RBFOX1: variants seen among roughly 807,000 people sequenced by gnomAD.
RBFOX1 encodes RNA binding fox-1 homolog 1.
RBFOX1 carries 8 observed loss-of-function variants against 57.7 expected under a neutral mutation model. The observed-to-expected ratio is 0.14, with a 90% CI of 0.08 to 0.25. RBFOX1 has a LOEUF of 0.25. Among genes scored for constraint, RBFOX1 ranks in the 10% least tolerant of loss-of-function variants. The pLI, the probability that RBFOX1 is intolerant of heterozygous loss-of-function variation, is 1.00. For synonymous variants in RBFOX1, 326 were observed against 222.4 expected, an observed-to-expected ratio of 1.47 and a Z score of -4.15; for missense variants, 611 against 548.5, an observed-to-expected ratio of 1.11 and a Z score of -1.14.
At chr16:5,481,897 A>G (rs1045814547) in intron 2 of RBFOX1, among the ~76,000 whole-genome samples, 2 of 152,168 alleles carry the variant, frequency 1.3e-5, no homozygotes, top group Non-Finnish European at 2.9e-5. Flanking sequence ...AGGATGGGAT[A>G]AGGGCCCACC....
intron 3 of RBFOX1, among the ~76,000 whole-genome samples, chr16:5,672,546 G>A (rs564371679): frequency 6.6e-6 from 1 of 152,262 alleles, no homozygotes; most frequent in South Asian, 2.1e-4. Context: ...AACAGTAAGT[G>A]CGCCACGTTC....
intron 11 of RBFOX1, among the ~76,000 whole-genome samples, chr16:7,644,068 A>G (rs2063308059): frequency 6.6e-6 from 1 of 152,200 alleles, no homozygotes. Flanking sequence ...GAGAGTCTCT[A>G]AGAAGCAGAG....
rs142344599 is a variant in RBFOX1, at chr16:6,837,220, G to A, written c.-16+182570G>A. Among the ~76,000 whole-genome samples, 1,264 of 152,250 alleles carry A rather than the reference G, an allele frequency of 8.3e-3. 10 individuals carry two copies. Among genetic ancestry groups the A allele is most frequent in the Admixed American group, 0.013 (194 of 15,280 alleles). ...TGTACTAGGTAACATACAAACTGTG[G>A]ATCTCCGTGTTTTAACACTTGCATA... On this transcript the variant is annotated intron_variant, in intron 3 of 15. Transcript: ENST00000550418.
chr16:6,551,784 G>A (rs567214351), intron 2 of RBFOX1, among the ~76,000 whole-genome samples: 35 of 152,262 alleles, frequency 2.3e-4, no homozygotes, highest in South Asian at 8.3e-4. Flanking sequence ...TTTTCCAACC[G>A]GGACGTCAGA....
chr16:6,839,181 C>T (rs562943340), intron 3 of RBFOX1, among the ~76,000 whole-genome samples: 24 of 147,114 alleles, frequency 1.6e-4, no homozygotes, highest in African/African-American at 5.8e-4. Context: ...GACAGGGTTT[C>T]ACCATGTTGG....
intron 4 of RBFOX1, among the ~76,000 whole-genome samples, chr16:7,362,126 T>TTG (rs759791691): frequency 4.0e-5 from 6 of 151,616 alleles, no homozygotes; most frequent in African/African-American, 1.2e-4. Context: ...TGTGGATGTT[T>TTG]TGTGTGTGTG....
chr16:7,038,340 G>A (rs11645466), intron 3 of RBFOX1, among the ~76,000 whole-genome samples: 14,647 of 152,096 alleles, frequency 0.096, 1,153 homozygotes, highest in East Asian at 0.32. Flanking sequence ...TTGATCATGA[G>A]GGAAAGAAAT....
At chr16:6,466,165 G>T (rs1567339490) in intron 2 of RBFOX1, among the ~76,000 whole-genome samples, 4 of 150,976 alleles carry the variant, frequency 2.6e-5, no homozygotes, top group South Asian at 4.2e-4. Flanking sequence ...GGAGGCAGAG[G>T]TTGCAAGTGA....
intron 11 of RBFOX1, among the ~76,000 whole-genome samples, chr16:7,631,638 G>T (rs754168304): frequency 1.3e-5 from 2 of 152,274 alleles, no homozygotes; most frequent in South Asian, 4.2e-4. Flanking sequence ...TGCCTGGAGT[G>T]GGGGTGGGGC....
At chr16:7,238,417 C>G (rs989826231) in intron 4 of RBFOX1, among the ~76,000 whole-genome samples, 4 of 152,138 alleles carry the variant, frequency 2.6e-5, no homozygotes, top group Non-Finnish European at 5.9e-5. Context: ...TCTAAGTTCC[C>G]AAAACAGATT....
At chr16:6,769,100 C>T (rs1421770915) in intron 3 of RBFOX1, among the ~76,000 whole-genome samples, 1 of 152,114 alleles carries the variant, frequency 6.6e-6, no homozygotes, top group Non-Finnish European at 1.5e-5. Flanking sequence ...TCTTGAATTC[C>T]CACGTGTTGT....
At chr16:6,689,092 A>G (rs1204403685) in intron 3 of RBFOX1, among the ~76,000 whole-genome samples, 1 of 152,210 alleles carries the variant, frequency 6.6e-6, no homozygotes, top group Non-Finnish European at 1.5e-5. Flanking sequence ...GTGCTGCAAT[A>G]AACATACATG....
chr16:6,703,843 A>T (rs1399119026), intron 3 of RBFOX1: 1 of 152,356 alleles, frequency 6.6e-6, no homozygotes, highest in Non-Finnish European at 1.5e-5. Flanking sequence ...TCTGACAAGG[A>T]TAGCCAGCAA....
At chr16:5,747,825 G>A (rs976013890) in intron 3 of RBFOX1, among the ~76,000 whole-genome samples, 3 of 152,100 alleles carry the variant, frequency 2.0e-5, no homozygotes. Flanking sequence ...CAGAAAACCA[G>A]CTCCTGGATT....
chr16:7,168,093 C>T (rs1004853529), intron 4 of RBFOX1, among the ~76,000 whole-genome samples: 4 of 152,146 alleles, frequency 2.6e-5, no homozygotes, highest in African/African-American at 9.7e-5. Flanking sequence ...GCATTAGCTA[C>T]ATTTAAAAGA....
intron 3 of RBFOX1, among the ~76,000 whole-genome samples, chr16:6,684,020 CCA>C (rs2059061211): frequency 6.6e-6 from 1 of 152,144 alleles, no homozygotes; most frequent in African/African-American, 2.4e-5. Flanking sequence ...AGTGAATGGT[CCA>C]CAGTGTGAAC....
At position 7,691,531 on chromosome 16, in the gene RBFOX1, C is replaced by G. The variant is rs570343655; in HGVS notation, c.995+14693C>G. ...GGTAGTTTAAGGTTAAGTGCAGACT[C>G]AAAAAGAATACTTTCAAGGACACCA... On this transcript the variant is annotated intron_variant, in intron 14 of 15. Transcript: ENST00000550418. Among the ~76,000 whole-genome samples the G allele has an allele frequency of 7.2e-5, 11 of 151,990 alleles. No homozygotes were observed. The East Asian group carries it at 1.9e-3, about 27-fold the overall frequency.
At position 5,769,466 on chromosome 16, in the gene RBFOX1, G is replaced by C. The variant is rs571009294; in HGVS notation, c.319-97837G>C. ...AACCAGCCTGGCCAACATGATGAAA[G>C]CCCATCTCTACTAAAAAATACAAAA... On this transcript the variant is annotated intron_variant, in intron 3 of 19. Transcript: ENST00000641259. Among the ~76,000 whole-genome samples, 285 of 144,872 alleles carry C rather than the reference G, an allele frequency of 2.0e-3. 1 individual carries two copies. Among genetic ancestry groups the C allele is most frequent in the African/African-American group, 7.0e-3 (271 of 38,884 alleles).
chr16:6,907,635 A>G (rs1306070626), intron 3 of RBFOX1, among the ~76,000 whole-genome samples: 1 of 152,102 alleles, frequency 6.6e-6, no homozygotes, highest in Non-Finnish European at 1.5e-5. Context: ...CAGTGGCACG[A>G]TCTTGGCTCA....
Sources: allele counts gnomAD v4.1 joint callset (sites outside exome capture counted in the v4.1 genomes callset), GRCh38; gene constraint gnomAD v4.1.1; transcripts MANE v1.5; gene names NCBI Gene and HGNC (gene_info 2026-07-23, HGNC 2026-07-21).